Variants in CADM1 observed in about 807,000 individuals in gnomAD.
CADM1 encodes cell adhesion molecule 1.
Under a neutral mutation model 53.1 loss-of-function variants are expected in CADM1, and 15 were observed. The observed-to-expected ratio is 0.28, with a 90% CI of 0.19 to 0.44. The LOEUF (loss-of-function observed/expected upper bound fraction) is 0.44. Among genes scored for constraint, CADM1 ranks in the 20% least tolerant of loss-of-function variants. The pLI, the probability that CADM1 is intolerant of heterozygous loss-of-function variation, is 1.00. For synonymous variants in CADM1, 281 were observed against 243.0 expected (o/e 1.16, Z -1.45); for missense variants, 434 against 611.3 (o/e 0.71, Z 3.06).
intron 1 of CADM1, among the ~76,000 whole-genome samples, chr11:115,279,809 C>A (rs935439693): frequency 1.2e-4 from 18 of 152,298 alleles, no homozygotes; most frequent in Non-Finnish European, 1.9e-4. Flanking sequence ...TTGCCATGGG[C>A]ACCGCATTCA....
intron 8 of CADM1, among the ~76,000 whole-genome samples, chr11:115,202,841 T>C (rs907697704): frequency 4.7e-5 from 7 of 147,696 alleles, no homozygotes; most frequent in African/African-American, 1.8e-4. Flanking sequence ...ATATATTAAA[T>C]ATATGGTGGG....
intron 1 of CADM1, among the ~76,000 whole-genome samples, chr11:115,407,988 C>A (rs1947361529): frequency 6.8e-6 from 1 of 146,486 alleles, no homozygotes; most frequent in Admixed American, 6.9e-5. Flanking sequence ...TTATCAAATT[C>A]CTAAAAAGTC....
chr11:115,284,703 C>G (rs1477520810), intron 1 of CADM1, among the ~76,000 whole-genome samples: 1 of 152,040 alleles, frequency 6.6e-6, no homozygotes, highest in East Asian at 1.9e-4. Flanking sequence ...AGAAAGAATA[C>G]AAACATTTTC....
chr11:115,381,982 C>A (rs987737344), intron 1 of CADM1, among the ~76,000 whole-genome samples: 1 of 152,018 alleles, frequency 6.6e-6, no homozygotes, highest in African/African-American at 2.4e-5. Flanking sequence ...GTTGCTAGGA[C>A]CACAGGTGCC....
chr11:115,445,330 G>A (rs560379288), intron 1 of CADM1, among the ~76,000 whole-genome samples: 47 of 152,180 alleles, frequency 3.1e-4, no homozygotes, highest in African/African-American at 1.0e-3. Flanking sequence ...TCAGGACCGT[G>A]GGCCAGTTAC....
At chr11:115,194,820 G>A (rs912376376) in intron 9 of CADM1, among the ~76,000 whole-genome samples, 4 of 152,170 alleles carry the variant, frequency 2.6e-5, no homozygotes, top group Non-Finnish European at 4.4e-5. Context: ...TGGGGAAGGG[G>A]AGAGGGGACA....
chr11:115,367,191 C>T (rs112356570), intron 1 of CADM1, among the ~76,000 whole-genome samples: 270 of 152,286 alleles, frequency 1.8e-3, no homozygotes, highest in African/African-American at 6.0e-3. Flanking sequence ...AGCCACCGCA[C>T]TTCAGTCTGG....
intron 8 of CADM1, among the ~76,000 whole-genome samples, chr11:115,202,146 C>A (rs1203943040): frequency 6.7e-6 from 1 of 149,652 alleles, no homozygotes; most frequent in Non-Finnish European, 1.5e-5. Context: ...AAAGCTCTGA[C>A]AATGTGTGAA....
intron 1 of CADM1, among the ~76,000 whole-genome samples, chr11:115,446,610 AAGG>A (rs1485017009): frequency 6.6e-6 from 1 of 152,216 alleles, no homozygotes; most frequent in Admixed American, 6.5e-5. Context: ...TCAAGTGATA[AAGG>A]AGTTCTAAAA....
chr11:115,400,580 T>A (rs1484236029), intron 1 of CADM1, among the ~76,000 whole-genome samples: 4 of 139,686 alleles, frequency 2.9e-5, no homozygotes, highest in African/African-American at 8.2e-5. Context: ...ATATATATAA[T>A]ATATATATAT....
At chr11:115,380,029 G>A (rs190752846) in intron 1 of CADM1, among the ~76,000 whole-genome samples, 6 of 152,192 alleles carry the variant, frequency 3.9e-5, no homozygotes, top group African/African-American at 1.2e-4. Context: ...TTCTGAAGAC[G>A]TACTAGTTCC....
chr11:115,490,879 C>T (rs1018104709), intron 1 of CADM1, among the ~76,000 whole-genome samples: 2 of 152,118 alleles, frequency 1.3e-5, no homozygotes, highest in Non-Finnish European at 2.9e-5. Flanking sequence ...TAAAATGGGG[C>T]AACAGTGGTA....
At chr11:115,308,666 G>T (rs951521642) in intron 1 of CADM1, among the ~76,000 whole-genome samples, 2 of 151,888 alleles carry the variant, frequency 1.3e-5, no homozygotes, top group African/African-American at 4.8e-5. Flanking sequence ...GAGTGTGAGT[G>T]CTATTCCTGT....
chr11:115,381,761 A>C (rs1261867550), intron 1 of CADM1, among the ~76,000 whole-genome samples: 2 of 152,224 alleles, frequency 1.3e-5, no homozygotes, highest in African/African-American at 4.8e-5. Flanking sequence ...AGAATGTGCA[A>C]GGCTATGCTA....
chr11:115,354,405 C>A (rs1160745260), intron 1 of CADM1, among the ~76,000 whole-genome samples: 1 of 152,184 alleles, frequency 6.6e-6, no homozygotes, highest in Non-Finnish European at 1.5e-5. Context: ...GACGAAGCAA[C>A]TTCTTTCCAC....
chr11:115,491,851 G>A (rs1949504288), intron 1 of CADM1, among the ~76,000 whole-genome samples: 1 of 152,146 alleles, frequency 6.6e-6, no homozygotes, highest in South Asian at 2.1e-4. Context: ...CTATCACAAA[G>A]ACAGAAAACC....
chr11:115,261,705 T>C (rs192155366), intron 1 of CADM1, among the ~76,000 whole-genome samples: 109 of 152,348 alleles, frequency 7.2e-4, no homozygotes, highest in African/African-American at 2.5e-3. Context: ...GAAAAGACTT[T>C]TGTAAAAATA....
chr11:115,195,173 T>C (rs1158207749), intron 9 of CADM1, among the ~76,000 whole-genome samples: 2 of 152,224 alleles, frequency 1.3e-5, no homozygotes, highest in Admixed American at 1.3e-4. Flanking sequence ...GTTAAATCCT[T>C]AAAAGCACAT....
rs550344737 is a variant in CADM1 at position 115,335,621 on chromosome 11, A to G, written c.125-95201T>C. On this transcript the variant is annotated intron_variant, in intron 1 of 11. Coordinates refer to ENST00000331581, the MANE Select transcript of CADM1 (RefSeq NM_001301043.2). ...ATCAAAGAACTTCTCATACTCTGTC[A>G]CATTAAAATTCATTAGTCAATCCTG... 1.2e-4 allele frequency among the ~76,000 whole-genome samples: 18 copies of G among 152,266 alleles called. No individual in the cohort carries two copies. The South Asian group carries it at 3.7e-3, about 32-fold the overall frequency.
Sources: gnomAD v4.1 joint callset for allele counts (sites outside exome capture counted in the v4.1 genomes callset) on GRCh38, gnomAD v4.1.1 for gene constraint, MANE v1.5 for transcripts, NCBI Gene and HGNC (gene_info 2026-07-23, HGNC 2026-07-21) for gene names.